CD80: variants seen among roughly 807,000 people sequenced by gnomAD.
CD80 encodes the protein CD80 molecule.
CD80 carries 13 observed loss-of-function variants against 27.1 expected under a neutral mutation model. The ratio of observed to expected loss-of-function variants is 0.48; its 90% CI spans 0.31 to 0.76. The LOEUF is 0.76. CD80 is among the 30% of genes least tolerant of loss of function. The pLI, the probability that CD80 is intolerant of heterozygous loss-of-function variation, is 0.04. For synonymous variants in CD80, 125 were observed against 125.5 expected (o/e 1.00, Z 0.03); for missense variants, 277 against 347.9 (o/e 0.80, Z 1.62).
At position 119,524,685 on chromosome 3, in the gene CD80, A is replaced by G. The variant is rs1215396375; in HGVS notation, c.*1103T>C. Reference sequence around the variant, plus strand: ...CAGATTTTCAGATGATAATGTGATTATCCCAGCTTAAGTTGCGTCCACTTC... The same window carrying G: ...CAGATTTTCAGATGATAATGTGATTGTCCCAGCTTAAGTTGCGTCCACTTC... On this transcript the variant is annotated 3_prime_UTR_variant, in exon 7 of 7. Coordinates refer to ENST00000264246, the MANE Select transcript of CD80 (RefSeq NM_005191.4). 1 of 152,256 alleles carries G rather than the reference A, an allele frequency of 6.6e-6. No homozygotes were observed. The highest frequency in any genetic ancestry group is 1.5e-5 in the Non-Finnish European group (1 of 68,048). 9.4% of individuals were successfully genotyped at this position (152,256 alleles called of 1,614,324 possible). A position where few individuals can be genotyped will look rare whatever the true frequency, so the allele number is the denominator to read the frequency against.
At chr3:119,547,605 C>G (rs2082208673) in intron 2 of CD80, among the ~76,000 whole-genome samples, 1 of 152,184 alleles carries the variant, frequency 6.6e-6, no homozygotes, top group African/African-American at 2.4e-5. Flanking sequence ...TCACTTTCCT[C>G]ACTACACAGT....
At chr3:119,527,513 G>C (rs1560052548) in intron 6 of CD80, 1 of 471,162 alleles carries the variant, frequency 2.1e-6, no homozygotes, top group Non-Finnish European at 3.7e-6. Flanking sequence ...GACAATTCAA[G>C]ATGGCAGAAT....
chr3:119,533,709 T>A (rs1285633990), intron 4 of CD80, among the ~76,000 whole-genome samples: 1 of 152,160 alleles, frequency 6.6e-6, no homozygotes, highest in African/African-American at 2.4e-5. Flanking sequence ...TTGTGAGGCC[T>A]CCCCAGCCAC....
At chr3:119,535,508 C>G (rs1333252133) in intron 4 of CD80, among the ~76,000 whole-genome samples, 2 of 152,146 alleles carry the variant, frequency 1.3e-5, no homozygotes, top group East Asian at 3.9e-4. Flanking sequence ...TTTTGAGCAT[C>G]TCAGTTCACC....
At chr3:119,528,502 C>A (rs2082090871) in intron 5 of CD80, among the ~76,000 whole-genome samples, 2 of 152,168 alleles carry the variant, frequency 1.3e-5, no homozygotes. Context: ...ATGTCTAACA[C>A]CCAAAGTGTA....
intron 2 of CD80, among the ~76,000 whole-genome samples, chr3:119,554,745 A>ACAGAC (rs2082253506): frequency 6.6e-6 from 1 of 152,060 alleles, no homozygotes; most frequent in African/African-American, 2.4e-5. Flanking sequence ...CTCACCTCCC[A>ACAGAC]CAGACCATGC....
At position 119,542,445 on chromosome 3, in the gene CD80, G is replaced by A. The variant is rs529888289; in HGVS notation, c.418+2105C>T. Among the ~76,000 whole-genome samples the A allele has an allele frequency of 3.7e-4, 57 of 152,264 alleles. No individual in the cohort carries two copies. The Middle Eastern group carries it at 0.024, about 64-fold the overall frequency. ...TTAATCATTATGTTTTATTAAGTAA[G>A]AAGTTTGGTTTTCACTAGAGGCTCA... On this transcript the variant is annotated intron_variant, in intron 3 of 6. Coordinates refer to ENST00000264246, the MANE Select transcript of CD80 (RefSeq NM_005191.4).
Position 119,524,472 on chromosome 3 carries a change from A to G in CD80, c.*1316T>C, listed in dbSNP as rs557289524. 6.6e-6 allele frequency: 1 copy of G among 152,166 alleles called. No homozygotes were observed. The highest frequency in any genetic ancestry group is 2.1e-4 in the South Asian group (1 of 4,826). The allele number at this position is 152,166 out of a possible 1,614,324, so 9.4% of individuals were successfully genotyped here. A position where few individuals can be genotyped will look rare whatever the true frequency, so the allele number is the denominator to read the frequency against. The stretch of plus-strand genomic sequence containing the variant: ...ATACGGGAAACACTGCTAGTACCTT[A>G]TGTTGGTGTTAGACCTCTCTGCCCT... On this transcript the variant is annotated 3_prime_UTR_variant, in exon 7 of 7. Transcript: ENST00000264246.
chr3:119,529,937 G>A lies in CD80; in HGVS notation c.701C>T (p.Thr234Ile), dbSNP rs763844074. Residue 234 changes from threonine (T) to isoleucine (I), a missense_variant and splice_region_variant, in exon 5 of 7, where the codon ACC becomes ATC. Thr to Ile is a moderately conservative substitution (Grantham distance 89, BLOSUM62 -1). Coordinates refer to ENST00000264246, the MANE Select transcript of CD80 (RefSeq NM_005191.4). Reference sequence around the variant, plus strand: ...GTTATCAGGAAAATGCTCTTGCTTGGCTATGGAGGGAAAAGAATAATGTCA... The same window carrying A: ...GTTATCAGGAAAATGCTCTTGCTTGACTATGGAGGGAAAAGAATAATGTCA... Reference protein sequence around the residue: ...RVNQTFNWNTTKQEHFPDNLL... With the variant: ...RVNQTFNWNTIKQEHFPDNLL... The A allele has an allele frequency of 1.2e-6, 2 of 1,602,494 alleles. No individual in the cohort carries two copies. Among genetic ancestry groups the A allele is most frequent in the Non-Finnish European group, 1.7e-6 (2 of 1,169,626 alleles).
At chr3:119,556,930 T>A (rs1292613929) in intron 2 of CD80, among the ~76,000 whole-genome samples, 2 of 152,166 alleles carry the variant, frequency 1.3e-5, no homozygotes, top group Admixed American at 1.3e-4. Flanking sequence ...ACTCTTAAGA[T>A]CACCTGAGCA....
At chr3:119,528,530 A>G (rs2082091001) in intron 5 of CD80, among the ~76,000 whole-genome samples, 1 of 152,182 alleles carries the variant, frequency 6.6e-6, no homozygotes, top group Non-Finnish European at 1.5e-5. Flanking sequence ...AGGGTAAAAT[A>G]TCTTAGAAAT....
chr3:119,557,282 C>T (rs2082269842), intron 2 of CD80, among the ~76,000 whole-genome samples: 2 of 152,308 alleles, frequency 1.3e-5, no homozygotes, highest in Middle Eastern at 6.8e-3. Flanking sequence ...GGACTAGACT[C>T]CGAGGCCAGT....
Position 119,525,352 on chromosome 3 carries a change from T to TCAGAGA in CD80, c.*435_*436insTCTCTG, listed in dbSNP as rs2082058476. ...GAAGTTGACCTGTTATTGGACAAAT[T>TCAGAGA]CTACTTCCAGCAGCACTTTGCCTGA... On this transcript the variant is annotated 3_prime_UTR_variant, in exon 7 of 7. Transcript: ENST00000264246. The TCAGAGA allele has an allele frequency of 6.6e-6, 1 of 152,206 alleles. No individual in the cohort carries two copies. Among genetic ancestry groups the TCAGAGA allele is most frequent in the South Asian group, 2.1e-4 (1 of 4,830 alleles). 9.4% of individuals were successfully genotyped at this position (152,206 alleles called of 1,614,324 possible).
At chr3:119,550,757 G>A (rs566934377) in intron 2 of CD80, among the ~76,000 whole-genome samples, 2 of 152,212 alleles carry the variant, frequency 1.3e-5, no homozygotes, top group Admixed American at 6.5e-5. Context: ...GTGGGTGCAA[G>A]GATTCAAAAT....
intron 4 of CD80, among the ~76,000 whole-genome samples, chr3:119,532,075 C>T (rs1338151671): frequency 1.3e-5 from 2 of 152,198 alleles, no homozygotes; most frequent in East Asian, 1.9e-4. Flanking sequence ...TGTTGCACTC[C>T]GTTTTCTCTG....
At chr3:119,558,600 C>A (rs768517412) in intron 1 of CD80, among the ~76,000 whole-genome samples, 9 of 151,666 alleles carry the variant, frequency 5.9e-5, no homozygotes, top group Non-Finnish European at 1.0e-4. Flanking sequence ...CCATTTCTAC[C>A]AAAAATACAA....
At chr3:119,535,673 C>G (rs1043083881) in intron 4 of CD80, among the ~76,000 whole-genome samples, 11 of 152,060 alleles carry the variant, frequency 7.2e-5, no homozygotes, top group African/African-American at 2.7e-4. Flanking sequence ...CCAAAATGAC[C>G]TCTTTTCAGG....
At position 119,559,459 on chromosome 3, in the gene CD80, C is replaced by CT. The variant is rs1318770856; in HGVS notation, c.-221dup. 7 of 152,220 alleles carry CT rather than the reference C, an allele frequency of 4.6e-5. No homozygotes were observed. Among genetic ancestry groups the CT allele is most frequent in the Non-Finnish European group, 2.9e-5 (2 of 68,040 alleles). 9.4% of individuals were successfully genotyped at this position (152,220 alleles called of 1,614,324 possible). ...ACTTACTTGCTGAAGAAAAATTCCA[C>CT]TTTTTCTTTAAATCCTTTGATTTCA... On this transcript the variant is annotated 5_prime_UTR_variant, in exon 1 of 7. Transcript: ENST00000264246.
At chr3:119,532,516 G>A (rs765445197) in intron 4 of CD80, among the ~76,000 whole-genome samples, 32 of 151,594 alleles carry the variant, frequency 2.1e-4, no homozygotes, top group Non-Finnish European at 3.8e-4. Flanking sequence ...AAAAAAAGAA[G>A]TGCCATCTGA....
Sources: gnomAD v4.1 joint callset for allele counts (sites outside exome capture counted in the v4.1 genomes callset) on GRCh38, gnomAD v4.1.1 for gene constraint, MANE v1.5 for transcripts, NCBI Gene and HGNC (gene_info 2026-07-23, HGNC 2026-07-21) for gene names.